Variants in SIPA1L2 observed in about 807,000 individuals in gnomAD.
The protein encoded by SIPA1L2 is signal induced proliferation associated 1 like 2, also known as signal-induced proliferation-associated 1-like protein 2.
SIPA1L2 carries 56 observed loss-of-function variants against 163.9 expected under a neutral mutation model. The observed-to-expected ratio is 0.34, with a 90% CI of 0.28 to 0.43. The LOEUF (loss-of-function observed/expected upper bound fraction) is 0.43, where lower values mean the gene tolerates loss of function less well. Among genes scored for constraint, SIPA1L2 ranks in the 20% least tolerant of loss-of-function variants. The pLI, the probability that SIPA1L2 is intolerant of heterozygous loss-of-function variation, is 1.00. For missense variants in SIPA1L2, 1,974 were observed against 2,193.5 expected (o/e 0.90, Z 2.00); for synonymous variants, 877 against 865.7 (o/e 1.01, Z -0.23).
intron 7 of SIPA1L2, among the ~76,000 whole-genome samples, chr1:232,477,030 G>A (rs1179010264): frequency 6.6e-6 from 1 of 152,148 alleles, no homozygotes; most frequent in East Asian, 1.9e-4. Context: ...TGGATGGTGA[G>A]GGTGAGAGAA....
intron 2 of SIPA1L2, among the ~76,000 whole-genome samples, chr1:232,562,709 C>T (rs1659114215): frequency 6.6e-6 from 1 of 152,182 alleles, no homozygotes; most frequent in African/African-American, 2.4e-5. Context: ...TTACTACTGA[C>T]TCTGTTTAGT....
intron 9 of SIPA1L2, among the ~76,000 whole-genome samples, chr1:232,464,013 T>C (rs1318865837): frequency 6.6e-6 from 1 of 152,170 alleles, no homozygotes; most frequent in Non-Finnish European, 1.5e-5. Flanking sequence ...TCTCCTTTTC[T>C]CATGATCCAT....
At position 232,410,625 on chromosome 1, in the gene SIPA1L2, G is replaced by C. The variant is rs893535494; in HGVS notation, c.4762+4869C>G. Among the ~76,000 whole-genome samples the C allele has an allele frequency of 1.2e-3, 176 of 152,044 alleles. 1 individual carries two copies. The highest frequency in any genetic ancestry group is 3.7e-3 in the African/African-American group (152 of 41,486). On this transcript the variant is annotated intron_variant, in intron 19 of 22. Transcript: ENST00000674635. ...ATTAACTGTAAACTTATTATTTTCA[G>C]GTAATATATTTGGTATTTGGGGATA...
chr1:232,556,213 T>C (rs1658694764), intron 2 of SIPA1L2, among the ~76,000 whole-genome samples: 2 of 152,218 alleles, frequency 1.3e-5, no homozygotes, highest in Non-Finnish European at 2.9e-5. Flanking sequence ...TGAACTGAAC[T>C]CAACTAAGCT....
At chr1:232,435,413 C>T (rs919184426) in intron 15 of SIPA1L2, among the ~76,000 whole-genome samples, 1 of 152,180 alleles carries the variant, frequency 6.6e-6, no homozygotes, top group Non-Finnish European at 1.5e-5. Flanking sequence ...TAGTAGCAGT[C>T]GTATCATTAC....
In SIPA1L2 at chr1:232,529,159, G is replaced by C. The variant is rs186967952; in HGVS notation, c.-269-13551C>G. Reference sequence around the variant, plus strand: ...TGAGAATGATCAGTTATGATACACAGGTGTCTCAGTTGGGCTGAAAATATC... The same window carrying C: ...TGAGAATGATCAGTTATGATACACACGTGTCTCAGTTGGGCTGAAAATATC... On this transcript the variant is annotated intron_variant, in intron 2 of 22. Coordinates refer to ENST00000674635, the MANE Select transcript of SIPA1L2 (RefSeq NM_020808.5). Among the ~76,000 whole-genome samples the C allele has an allele frequency of 5.9e-3, 894 of 152,234 alleles. 3 individuals carry two copies. The highest frequency in any genetic ancestry group is 0.01 in the Middle Eastern group (3 of 292).
intron 1 of SIPA1L2, among the ~76,000 whole-genome samples, chr1:232,581,437 A>ATTC (rs1324561721): frequency 6.6e-6 from 1 of 152,156 alleles, no homozygotes; most frequent in African/African-American, 2.4e-5. Flanking sequence ...CAACGTAGGG[A>ATTC]AGGCAGAGCA....
In SIPA1L2 at chr1:232,461,062, C is replaced by T. The variant is rs1325590941; in HGVS notation, c.2920G>A (p.Val974Met). ...HVNFEGIVAD[V>M]EPFGFAWKAG... is the part of the protein sequence containing the mutation. ...TTCCAGGCAAAGCCAAAAGGTTCCACATCTGCGACAATTCCTTCAAAATTC... is the reference window on the plus strand; with the variant it reads ...TTCCAGGCAAAGCCAAAAGGTTCCATATCTGCGACAATTCCTTCAAAATTC... The change falls in exon 10 of 23, where the codon GTG becomes ATG. Residue 974 changes from valine (V) to methionine (M), a missense_variant. Val to Met is a conservative substitution (Grantham distance 21, BLOSUM62 1). Around this residue, in one of 3 missense-constraint regions of SIPA1L2, gnomAD observed 1,079 missense variants for 1,150.7 expected, o/e 0.94. Transcript: ENST00000674635. 6.2e-7 allele frequency: 1 copy of T among 1,614,294 alleles called. No homozygotes were observed. Among genetic ancestry groups the T allele is most frequent in the Admixed American group, 1.7e-5 (1 of 60,034 alleles).
intron 2 of SIPA1L2, among the ~76,000 whole-genome samples, chr1:232,538,109 A>G (rs1442559301): frequency 6.6e-6 from 1 of 152,220 alleles, no homozygotes; most frequent in Non-Finnish European, 1.5e-5. Context: ...GAAACAACAA[A>G]AAGTCTCAGT....
chr1:232,584,854 A>G (rs1434099829), intron 1 of SIPA1L2, among the ~76,000 whole-genome samples: 1 of 152,260 alleles, frequency 6.6e-6, no homozygotes, highest in African/African-American at 2.4e-5. Flanking sequence ...TTTGTCTGCA[A>G]TAGGCTTGAG....
chr1:232,580,179 T>C (rs540922456), intron 1 of SIPA1L2, among the ~76,000 whole-genome samples: 2 of 152,282 alleles, frequency 1.3e-5, no homozygotes, highest in South Asian at 4.1e-4. Flanking sequence ...TTAGACTAAA[T>C]AGTAACTTCC....
chr1:232,441,467 C>A, intron 13 of SIPA1L2, 73 bp from the exon 14 acceptor site: 1 of 1,250,884 alleles, frequency 8.0e-7, no homozygotes, highest in South Asian at 1.3e-5. Context: ...AACCAGGAGT[C>A]AGACAAGTGG....
At chr1:232,523,302 T>C (rs1667540480) in intron 2 of SIPA1L2, among the ~76,000 whole-genome samples, 1 of 152,202 alleles carries the variant, frequency 6.6e-6, no homozygotes, top group Non-Finnish European at 1.5e-5. Flanking sequence ...GAGTATTGAC[T>C]GCTTCCCATT....
At chr1:232,533,286 C>T (rs144284889) in intron 2 of SIPA1L2, among the ~76,000 whole-genome samples, 180 of 152,342 alleles carry the variant, frequency 1.2e-3, no homozygotes, top group African/African-American at 4.0e-3. Context: ...AAACATTACA[C>T]AAGCATATGG....
intron 3 of SIPA1L2, among the ~76,000 whole-genome samples, chr1:232,510,352 C>G (rs1409414802): frequency 6.6e-6 from 1 of 152,114 alleles, no homozygotes; most frequent in Non-Finnish European, 1.5e-5. Flanking sequence ...CTGTTGTTAA[C>G]TGATGCGTGA....
intron 2 of SIPA1L2, among the ~76,000 whole-genome samples, chr1:232,534,810 C>T (rs1657203952): frequency 6.6e-6 from 1 of 152,212 alleles, no homozygotes. Context: ...TACATCCAGC[C>T]TCATGAATCC....
chr1:232,558,921 G>A (rs1166084975), intron 2 of SIPA1L2, among the ~76,000 whole-genome samples: 3 of 152,134 alleles, frequency 2.0e-5, no homozygotes, highest in Admixed American at 2.0e-4. Context: ...GAAACAGTTT[G>A]GTTTCACCAG....
intron 19 of SIPA1L2, among the ~76,000 whole-genome samples, chr1:232,415,108 C>G (rs3820115): frequency 6.6e-6 from 1 of 152,200 alleles, no homozygotes; most frequent in African/African-American, 2.4e-5. Flanking sequence ...CGGCGAAGCC[C>G]AGCAGCTCCC....
intron 10 of SIPA1L2, among the ~76,000 whole-genome samples, chr1:232,451,425 C>A (rs1036890631): frequency 1.3e-5 from 2 of 152,102 alleles, no homozygotes; most frequent in African/African-American, 4.8e-5. Context: ...AAACTGGGGG[C>A]TGCTGTGGAT....
Sources: gnomAD v4.1 joint callset for allele counts (sites outside exome capture counted in the v4.1 genomes callset) on GRCh38, gnomAD v4.1.1 for gene constraint, gnomAD v4.1.1 regional missense constraint, MANE v1.5 for transcripts, NCBI Gene and HGNC (gene_info 2026-07-23, HGNC 2026-07-21) for gene names.